The following ARPC2 variants were observed in gnomAD, a reference collection of about 807,000 sequenced individuals.
ARPC2 encodes actin-related protein 2/3 complex subunit 2.
In ARPC2, 4 loss-of-function variants were observed where a neutral mutation model predicts 38.6. The observed-to-expected ratio is 0.10, with a 90% CI of 0.05 to 0.24. ARPC2 has a LOEUF of 0.24. Ranked by LOEUF, ARPC2 falls within the 10% of genes least tolerant of loss-of-function variation. The probability of loss-of-function intolerance (pLI) is 1.00; values close to 1 mark genes in which losing one functional copy is unlikely to be tolerated. For missense variants in ARPC2, 229 were observed against 387.3 expected (o/e 0.59, Z 3.43); for synonymous variants, 125 against 140.8 (o/e 0.89, Z 0.79).
intron 10 of ARPC2, among the ~76,000 whole-genome samples, chr2:218,251,338 A>G (rs1690185780): frequency 1.3e-5 from 2 of 152,266 alleles, no homozygotes; most frequent in African/African-American, 4.8e-5. Flanking sequence ...CAGCCTCCCA[A>G]GTAGCTGGGA....
chr2:218,239,472 G>C lies in ARPC2; in HGVS notation c.537G>C (p.Lys179Asn), dbSNP rs1344894388. 6.2e-7 allele frequency: 1 copy of C among 1,613,844 alleles called. No homozygotes were observed. Among genetic ancestry groups the C allele is most frequent in the Non-Finnish European group, 8.5e-7 (1 of 1,179,738 alleles). ...FKDDDDVVIG[K>N]VFMQEFKEGR... ...ATGACGACGATGTGGTCATTGGAAA[G>C]GTGTTCATGCAGGTATGGAGCAGAC... Residue 179 changes from lysine to asparagine, a missense_variant, in exon 7 of 11, where the codon AAG (lysine) becomes AAC (asparagine). Physicochemically the swap from Lys to Asn is moderately conservative, Grantham distance 94 (BLOSUM62 0). Transcript: ENST00000315717.
intron 4 of ARPC2, among the ~76,000 whole-genome samples, chr2:218,230,480 A>G (rs909793386): frequency 1.3e-5 from 2 of 150,996 alleles, no homozygotes; most frequent in African/African-American, 2.4e-5. Flanking sequence ...TTTGTTCTTT[A>G]GAGAGAGGAG....
intron 6 of ARPC2, chr2:218,239,053 G>T (rs1689846308): frequency 3.5e-6 from 2 of 570,104 alleles, no homozygotes; most frequent in Non-Finnish European, 6.2e-6. Flanking sequence ...CTGACAGATG[G>T]TGGAAAGAGA....
At position 218,228,858 on chromosome 2, in the gene ARPC2, C is replaced by T; in HGVS notation, c.222+8C>T. On this transcript the variant is annotated splice_region_variant and intron_variant, in intron 4 of 10. Transcript: ENST00000315717. ...GCACATGGTGCTGATGAGGTAAGATCCACATCATTTTCCTTGGGACTCTTG... is the reference window on the plus strand; with the variant it reads ...GCACATGGTGCTGATGAGGTAAGATTCACATCATTTTCCTTGGGACTCTTG... 1 of 1,524,416 alleles carries T rather than the reference C, an allele frequency of 6.6e-7. No individual in the cohort carries two copies. Among genetic ancestry groups the T allele is most frequent in the Non-Finnish European group, 9.1e-7 (1 of 1,099,612 alleles). The allele number at this position is 1,524,416 out of a possible 1,614,324, so 94.4% of individuals were successfully genotyped here. A position where few individuals can be genotyped will look rare whatever the true frequency, so the allele number is the denominator to read the frequency against.
intron 7 of ARPC2, 35 bp from the exon 8 acceptor site, chr2:218,245,385 C>G (rs373816258): frequency 3.1e-6 from 5 of 1,613,288 alleles, no homozygotes; most frequent in African/African-American, 2.7e-5. Context: ...CTTACACCCA[C>G]TTCTCTTCTG....
intron 2 of ARPC2, among the ~76,000 whole-genome samples, chr2:218,220,287 C>T (rs551334163): frequency 2.6e-5 from 4 of 152,300 alleles, no homozygotes; most frequent in Admixed American, 6.5e-5. Context: ...AATTACAGTT[C>T]GGAGCAGCCT....
intron 4 of ARPC2, chr2:218,229,122 C>T: frequency 4.4e-6 from 1 of 228,740 alleles, no homozygotes. Flanking sequence ...ACAAAAATAG[C>T]TGTTGCAAGA....
chr2:218,249,769 C>G (rs925901630), intron 9 of ARPC2, 52 bp from the exon 10 acceptor site: 56 of 1,526,260 alleles, frequency 3.7e-5, no homozygotes, highest in Middle Eastern at 1.7e-4. Context: ...GACAGCAAAG[C>G]TGTCTTTCTA....
At chr2:218,223,052 A>G (rs1689419979) in intron 2 of ARPC2, among the ~76,000 whole-genome samples, 1 of 152,220 alleles carries the variant, frequency 6.6e-6, no homozygotes, top group African/African-American at 2.4e-5. Context: ...TCTATAACTT[A>G]AAAGACACCG....
intron 2 of ARPC2, among the ~76,000 whole-genome samples, chr2:218,218,854 G>A (rs2106141005): frequency 6.6e-6 from 1 of 152,330 alleles, no homozygotes; most frequent in Middle Eastern, 3.4e-3. Context: ...CGTGTAGTGA[G>A]CAGTACTGTT....
chr2:218,232,622 T>C (rs980856132), intron 4 of ARPC2, among the ~76,000 whole-genome samples: 1 of 140,010 alleles, frequency 7.1e-6, no homozygotes, highest in Admixed American at 7.9e-5. Context: ...CAGGCTGGAG[T>C]GCAGTGGCGC....
intron 7 of ARPC2, among the ~76,000 whole-genome samples, chr2:218,241,856 C>T (rs895110562): frequency 2.6e-5 from 4 of 152,256 alleles, no homozygotes; most frequent in African/African-American, 9.6e-5. Context: ...TGCCCTGCCA[C>T]CCTTTCCAAA....
At chr2:218,248,500 A>T (rs1690101156) in intron 8 of ARPC2, among the ~76,000 whole-genome samples, 1 of 152,054 alleles carries the variant, frequency 6.6e-6, no homozygotes, top group South Asian at 2.1e-4. Context: ...TTGCTCTGTC[A>T]CTCAGGCTGG....
intron 9 of ARPC2, 45 bp from the exon 10 acceptor site, chr2:218,249,776 T>C (rs1306384807): frequency 6.4e-7 from 1 of 1,552,484 alleles, no homozygotes; most frequent in East Asian, 2.3e-5. Flanking sequence ...AAGCTGTCTT[T>C]CTAGACCATG....
Position 218,217,412 on chromosome 2 carries a change from C to T in ARPC2, c.-8-51C>T, listed in dbSNP as rs1297176820. 1.9e-6 allele frequency: 3 copies of T among 1,578,848 alleles called. No homozygotes were observed. The African/African-American group carries it at 4.0e-5, about 21-fold the overall frequency. ...AGCAGGGCCGCTCCCTCCGTCCTTG[C>T]CTCCCTTACCCACCCTCACCGGCCC... On this transcript the variant is annotated intron_variant, in intron 1 of 10. Coordinates refer to ENST00000315717, the MANE Select transcript of ARPC2 (RefSeq NM_152862.3).
At chr2:218,230,810 G>A (rs1202419393) in intron 4 of ARPC2, among the ~76,000 whole-genome samples, 2 of 151,994 alleles carry the variant, frequency 1.3e-5, no homozygotes, top group Non-Finnish European at 2.9e-5. Flanking sequence ...TGGAGCCCAG[G>A]AGTTCAAGTC....
chr2:218,234,641 C>T, intron 5 of ARPC2: 2 of 539,534 alleles, frequency 3.7e-6, no homozygotes, highest in South Asian at 4.1e-5. Context: ...GATGGGGCCA[C>T]ATGACTCTTA....
intron 5 of ARPC2, among the ~76,000 whole-genome samples, chr2:218,237,794 C>T (rs1432661759): frequency 6.6e-6 from 1 of 152,118 alleles, no homozygotes; most frequent in Non-Finnish European, 1.5e-5. Flanking sequence ...CTCAAAACTC[C>T]TGACCTCAGG....
intron 7 of ARPC2, among the ~76,000 whole-genome samples, chr2:218,239,821 G>A (rs1466551540): frequency 5.3e-5 from 8 of 152,034 alleles, no homozygotes; most frequent in East Asian, 1.9e-4. Flanking sequence ...TCAAACTGCC[G>A]ACCTCAGGTG....
Sources: gnomAD v4.1 joint callset for allele counts (sites outside exome capture counted in the v4.1 genomes callset) on GRCh38, gnomAD v4.1.1 for gene constraint, MANE v1.5 for transcripts, NCBI Gene and HGNC (gene_info 2026-07-23, HGNC 2026-07-21) for gene names.